GABRB1: variants seen among roughly 807,000 people sequenced by gnomAD.
The protein encoded by GABRB1 is gamma-aminobutyric acid receptor subunit beta-1.
Under a neutral mutation model 51.6 loss-of-function variants are expected in GABRB1, and 17 were observed. That is an observed-to-expected ratio of 0.33 (90% confidence interval 0.23 to 0.49). The LOEUF (loss-of-function observed/expected upper bound fraction) is 0.49, where lower values mean the gene tolerates loss of function less well. GABRB1 is among the 20% of genes least tolerant of loss of function. The pLI, the probability that GABRB1 is intolerant of heterozygous loss-of-function variation, is 0.99. For missense variants in GABRB1, 410 were observed against 600.6 expected (o/e 0.68, Z 3.32); for synonymous variants, 247 against 218.9 (o/e 1.13, Z -1.14).
intron 5 of GABRB1, among the ~76,000 whole-genome samples, chr4:47,324,385 C>T (rs904974169): frequency 6.6e-6 from 1 of 152,136 alleles, no homozygotes; most frequent in Non-Finnish European, 1.5e-5. Flanking sequence ...ATCCTCAATC[C>T]TGCCCTGTCT....
At chr4:47,073,773 T>C (rs79593777) in intron 3 of GABRB1, among the ~76,000 whole-genome samples, 2,257 of 152,292 alleles carry the variant, frequency 0.015, 57 homozygotes, top group African/African-American at 0.05. Context: ...AGAGTGCCTT[T>C]GTAGTGACCT....
In GABRB1 at chr4:47,374,780, G is replaced by A. The variant is rs144012007; in HGVS notation, c.545-28538G>A. On this transcript the variant is annotated intron_variant, in intron 5 of 8. Transcript: ENST00000295454. ...GTTTTTTTTTCCCCACAGAGTGTAT[G>A]CAAGATCTGTACACATTTAATGTGT... Among the ~76,000 whole-genome samples, 721 of 152,302 alleles carry A rather than the reference G, an allele frequency of 4.7e-3. 7 individuals carry two copies. Among genetic ancestry groups the A allele is most frequent in the Non-Finnish European group, 6.4e-3 (435 of 68,028 alleles).
intron 4 of GABRB1, among the ~76,000 whole-genome samples, chr4:47,230,355 C>T (rs1721096366): frequency 6.6e-6 from 1 of 151,984 alleles, no homozygotes; most frequent in Non-Finnish European, 1.5e-5. Flanking sequence ...ATTACAAGGT[C>T]CCACGTATTT....
At chr4:47,294,299 G>A (rs970256005) in intron 4 of GABRB1, among the ~76,000 whole-genome samples, 5 of 152,168 alleles carry the variant, frequency 3.3e-5, no homozygotes, top group Non-Finnish European at 5.9e-5. Flanking sequence ...GAAGCAGGGC[G>A]AGGCATTGCC....
intron 3 of GABRB1, among the ~76,000 whole-genome samples, chr4:47,040,629 T>G (rs1445971168): frequency 6.6e-6 from 1 of 152,136 alleles, no homozygotes; most frequent in Non-Finnish European, 1.5e-5. Flanking sequence ...TAAGTATATG[T>G]TATAAGGCAC....
intron 4 of GABRB1, among the ~76,000 whole-genome samples, chr4:47,225,539 G>A (rs1008084090): frequency 5.3e-5 from 8 of 152,006 alleles, no homozygotes; most frequent in African/African-American, 9.7e-5. Flanking sequence ...TTATTGAGAC[G>A]AGATTGCAGA....
chr4:47,346,312 G>A lies in GABRB1; in HGVS notation c.544+26103G>A, dbSNP rs577473943. On this transcript the variant is annotated intron_variant, in intron 5 of 8. Transcript: ENST00000295454. Reference sequence around the variant, plus strand: ...AACTCTACATAAAACTAAAAATGAAGATCTTGACTGTGTATTGAAAAAGTC... The same window carrying A: ...AACTCTACATAAAACTAAAAATGAAAATCTTGACTGTGTATTGAAAAAGTC... Among the ~76,000 whole-genome samples, 9 of 152,202 alleles carry A rather than the reference G, an allele frequency of 5.9e-5. 1 individual carries two copies. Among genetic ancestry groups the A allele is most frequent in the African/African-American group, 1.4e-4 (6 of 41,548 alleles).
At chr4:47,093,426 C>T (rs953192099) in intron 3 of GABRB1, among the ~76,000 whole-genome samples, 2 of 152,196 alleles carry the variant, frequency 1.3e-5, no homozygotes, top group Non-Finnish European at 2.9e-5. Context: ...GCAATGTTCT[C>T]TATAATAAAT....
chr4:47,091,732 G>C (rs1728301929), intron 3 of GABRB1, among the ~76,000 whole-genome samples: 1 of 152,160 alleles, frequency 6.6e-6, no homozygotes, highest in African/African-American at 2.4e-5. Context: ...CTGCCTTGTA[G>C]TGGATTTTAA....
At chr4:47,414,200 T>G (rs1728844243) in intron 8 of GABRB1, among the ~76,000 whole-genome samples, 1 of 152,228 alleles carries the variant, frequency 6.6e-6, no homozygotes, top group African/African-American at 2.4e-5. Flanking sequence ...ATGTCTTAGT[T>G]AATCTAGAAA....
chr4:47,275,683 A>C (rs537882519), intron 4 of GABRB1, among the ~76,000 whole-genome samples: 5 of 152,168 alleles, frequency 3.3e-5, no homozygotes, highest in African/African-American at 1.2e-4. Flanking sequence ...AGATCAGGAA[A>C]CCACCAGACG....
intron 4 of GABRB1, among the ~76,000 whole-genome samples, chr4:47,216,841 G>T (rs1477099556): frequency 6.6e-6 from 1 of 151,870 alleles, no homozygotes; most frequent in Non-Finnish European, 1.5e-5. Flanking sequence ...CTTCAATCCA[G>T]GAAGTCCAGC....
At chr4:47,007,866 GTATATATATATATATA>G (rs1165939097) in intron 1 of GABRB1, among the ~76,000 whole-genome samples, 4 of 49,980 alleles carry the variant, frequency 8.0e-5, no homozygotes, top group Admixed American at 2.1e-4. Flanking sequence ...CTTGGAACTG[GTATATATATATATATA>G]TATATATATA....
intron 5 of GABRB1, among the ~76,000 whole-genome samples, chr4:47,343,895 T>C (rs1484548605): frequency 6.6e-6 from 1 of 152,216 alleles, no homozygotes; most frequent in Non-Finnish European, 1.5e-5. Context: ...AGTAACTTGC[T>C]CAGAGTTACA....
intron 1 of GABRB1, among the ~76,000 whole-genome samples, chr4:47,008,491 C>G (rs1724478741): frequency 6.7e-6 from 1 of 150,048 alleles, no homozygotes; most frequent in Non-Finnish European, 1.5e-5. Context: ...GAGATGGAGT[C>G]TCACTCTTTT....
At chr4:47,001,385 T>A (rs564530410) in intron 1 of GABRB1, among the ~76,000 whole-genome samples, 24 of 152,102 alleles carry the variant, frequency 1.6e-4, no homozygotes, top group South Asian at 6.2e-4. Context: ...CTCGTGATTC[T>A]CCCGCCTTGG....
At position 47,032,080 on chromosome 4, in the gene GABRB1, AAAAAAAG is replaced by A. The variant is rs1725329927; in HGVS notation, c.172+80_172+86del. 15 of 953,192 alleles carry A rather than the reference AAAAAAAG, an allele frequency of 1.6e-5. 1 individual carries two copies. Among genetic ancestry groups the A allele is most frequent in the South Asian group, 8.5e-5 (6 of 70,758 alleles). The allele number at this position is 953,192 out of a possible 1,614,324, so 59.0% of individuals were successfully genotyped here. ...TCTGTCAAAGATAAATGTCAAAAAA[AAAAAAAG>A]AAAAGGCATGTCATTTTCGTAAGCG... is the stretch of plus-strand genomic sequence containing the variant. On this transcript the variant is annotated intron_variant, in intron 2 of 8. Transcript: ENST00000295454.
chr4:47,304,946 C>G (rs1238421553), intron 4 of GABRB1, among the ~76,000 whole-genome samples: 1 of 152,096 alleles, frequency 6.6e-6, no homozygotes, highest in Non-Finnish European at 1.5e-5. Context: ...CACTGGTCCA[C>G]TCACTTAACA....
chr4:47,368,609 G>C (rs905000338), intron 5 of GABRB1, among the ~76,000 whole-genome samples: 1 of 152,112 alleles, frequency 6.6e-6, no homozygotes, highest in African/African-American at 2.4e-5. Context: ...CTTACAGGGA[G>C]CCAGGCCCAA....
Sources: gnomAD v4.1 joint callset for allele counts (sites outside exome capture counted in the v4.1 genomes callset) on GRCh38, gnomAD v4.1.1 for gene constraint, MANE v1.5 for transcripts, NCBI Gene and HGNC (gene_info 2026-07-23, HGNC 2026-07-21) for gene names.